The following ENPP3 variants were observed in gnomAD, a reference collection of about 807,000 sequenced individuals.
The protein encoded by ENPP3 is ectonucleotide pyrophosphatase/phosphodiesterase family member 3.
A neutral mutation model predicts 117.8 loss-of-function variants in ENPP3; 104 were observed. The ratio of observed to expected loss-of-function variants is 0.88; its 90% CI spans 0.75 to 1.04. ENPP3 has a LOEUF of 1.04. Among genes scored for constraint, ENPP3 ranks in the 50% least tolerant of loss-of-function variants. The probability of loss-of-function intolerance (pLI) is 0.00; values close to 1 mark genes in which losing one functional copy is unlikely to be tolerated. For synonymous variants in ENPP3, 380 were observed against 349.9 expected, an observed-to-expected ratio of 1.09 and a Z score of -0.96; for missense variants, 1,026 against 1,051.9, an observed-to-expected ratio of 0.98 and a Z score of 0.34.
intron 8 of ENPP3, among the ~76,000 whole-genome samples, chr6:131,674,736 ATT>A (rs1200745739): frequency 6.6e-6 from 1 of 151,308 alleles, no homozygotes; most frequent in Non-Finnish European, 1.5e-5. Context: ...CGCCCAGCTA[ATT>A]TTTTTGTATT....
At position 131,671,311 on chromosome 6, in the gene ENPP3, A is replaced by G; in HGVS notation, c.626A>G (p.His209Arg). The G allele has an allele frequency of 6.3e-7, 1 of 1,598,912 alleles. No homozygotes were observed. Among genetic ancestry groups the G allele is most frequent in the South Asian group, 1.1e-5 (1 of 90,748 alleles). The stretch of plus-strand genomic sequence containing the variant: ...TATCCTACCAAAACCTTCCCAAATC[A>G]TTACACCATTGTCACGGTAAGTGCT... ...AMYPTKTFPN[H>R]YTIVTGLYPE... The change falls in exon 7 of 25, where the codon CAT becomes CGT. Residue 209 changes from histidine to arginine, a missense_variant. His to Arg is a conservative substitution (Grantham distance 29). Transcript: ENST00000357639.
intron 11 of ENPP3, 41 bp downstream of exon 11, chr6:131,677,981 A>G (rs761389936): frequency 2.4e-6 from 3 of 1,253,938 alleles, no homozygotes; most frequent in Non-Finnish European, 3.5e-6. Context: ...AAAATGTAAA[A>G]TCATCTAACC....
Position 131,722,338 on chromosome 6 carries a change from CT to C in ENPP3, c.1680del (p.Val561PhefsTer29), listed in dbSNP as rs1224697841. The C allele has an allele frequency of 6.2e-7, 1 of 1,613,930 alleles. No homozygotes were observed. Among genetic ancestry groups the C allele is most frequent in the African/African-American group, 1.3e-5 (1 of 74,916 alleles). On this transcript the variant is annotated frameshift_variant, in exon 18 of 25. Transcript: ENST00000357639. LOFTEE classifies it high-confidence loss of function. ...PSHAEEVSKF[S>X]VCGFANPLPT... is the part of the protein sequence containing the mutation. ...CATGCAGAGGAGGTGTCAAAGTTTT[CT>C]GTTTGTGGCTTTGCTAATCCATTGC...
At chr6:131,671,389 T>A in intron 7 of ENPP3, 62 bp downstream of exon 7, 2 of 988,104 alleles carry the variant, frequency 2.0e-6, no homozygotes, top group South Asian at 2.7e-5. Flanking sequence ...TAAACAGACA[T>A]GTTTGGGCAG....
At chr6:131,662,533 C>G (rs966057497) in intron 6 of ENPP3, among the ~76,000 whole-genome samples, 2 of 152,176 alleles carry the variant, frequency 1.3e-5, no homozygotes, top group African/African-American at 4.8e-5. Context: ...CTGTGCCCAG[C>G]CTGGGCTCCC....
chr6:131,746,197 G>A (rs940439871), intron 24 of ENPP3, among the ~76,000 whole-genome samples: 1 of 151,966 alleles, frequency 6.6e-6, no homozygotes, highest in African/African-American at 2.4e-5. Flanking sequence ...ATTTATTATA[G>A]CATTATTTAT....
At chr6:131,674,020 G>A (rs1778809287) in intron 7 of ENPP3, 142 bp from the exon 8 acceptor site, 1 of 560,714 alleles carries the variant, frequency 1.8e-6, no homozygotes, top group African/African-American at 1.9e-5. Flanking sequence ...CTCCTGATAT[G>A]TAAGTTCAGG....
At chr6:131,719,243 C>A (rs1471472873) in intron 16 of ENPP3, among the ~76,000 whole-genome samples, 1 of 151,852 alleles carries the variant, frequency 6.6e-6, no homozygotes, top group Non-Finnish European at 1.5e-5. Context: ...TATTCAGGAG[C>A]CAAGTGTCCC....
At chr6:131,668,878 A>C (rs1007175525) in intron 6 of ENPP3, among the ~76,000 whole-genome samples, 6 of 152,234 alleles carry the variant, frequency 3.9e-5, no homozygotes, top group South Asian at 2.1e-4. Flanking sequence ...ACCATGGTAG[A>C]AGACTGTGCT....
chr6:131,639,061 C>T lies in ENPP3; in HGVS notation c.78+1599C>T, dbSNP rs369785373. 2.0e-5 allele frequency among the ~76,000 whole-genome samples: 3 copies of T among 151,856 alleles called. No individual in the cohort carries two copies. In the South Asian group the frequency reaches 6.3e-4, roughly 32 times the overall value. On this transcript the variant is annotated intron_variant, in intron 1 of 24. Transcript: ENST00000357639. Reference sequence around the variant, plus strand: ...ATCTTGCCGCAGCTTTTCCCTATATCCCATATTTTAAGGTCACCGCTATTC... The same window carrying T: ...ATCTTGCCGCAGCTTTTCCCTATATTCCATATTTTAAGGTCACCGCTATTC...
rs4053087 is a variant in ENPP3 at position 131,699,235 on chromosome 6, C to CAAAAAAAAAAAA, written c.1412+5621_1412+5632dup. On this transcript the variant is annotated intron_variant, in intron 15 of 24. Transcript: ENST00000357639. Reference sequence around the variant, plus strand: ...CCTGGGCTATAGAGCAAGACTGTCTCAAAAAAAAAAAAAAAAAAAAAGGAT... The same window carrying CAAAAAAAAAAAA: ...CCTGGGCTATAGAGCAAGACTGTCTCAAAAAAAAAAAAAAAAAAAAAAAAAAAAAAAAAGGAT... Among the ~76,000 whole-genome samples, 424 of 107,312 alleles carry CAAAAAAAAAAAA rather than the reference C, an allele frequency of 4.0e-3. 2 individuals carry two copies. The highest frequency in any genetic ancestry group is 0.014 in the African/African-American group (363 of 25,326). 70.4% of individuals were successfully genotyped at this position (107,312 alleles called of 152,430 possible).
intron 15 of ENPP3, among the ~76,000 whole-genome samples, chr6:131,715,194 A>G (rs1196686313): frequency 2.6e-5 from 4 of 151,706 alleles, no homozygotes; most frequent in Non-Finnish European, 4.4e-5. Context: ...CTGGACAATG[A>G]GACTTTTAGC....
intron 20 of ENPP3, among the ~76,000 whole-genome samples, chr6:131,731,309 G>A (rs1344104048): frequency 6.6e-6 from 1 of 152,150 alleles, no homozygotes; most frequent in Non-Finnish European, 1.5e-5. Context: ...CAGTCTATAA[G>A]CTTCACTATA....
intron 19 of ENPP3, among the ~76,000 whole-genome samples, chr6:131,724,473 C>T (rs936793315): frequency 3.1e-4 from 47 of 152,260 alleles, no homozygotes; most frequent in African/African-American, 1.1e-3. Flanking sequence ...TCTGTAATAA[C>T]CGTACTCACC....
At chr6:131,661,483 G>A (rs1778498145) in intron 6 of ENPP3, among the ~76,000 whole-genome samples, 2 of 151,620 alleles carry the variant, frequency 1.3e-5, no homozygotes, top group African/African-American at 4.8e-5. Flanking sequence ...TTAGAGATGA[G>A]GTCTTGCTAT....
At chr6:131,682,349 C>A (rs1033866155) in intron 11 of ENPP3, among the ~76,000 whole-genome samples, 1 of 151,858 alleles carries the variant, frequency 6.6e-6, no homozygotes, top group African/African-American at 2.4e-5. Context: ...AAAGAATTAG[C>A]CAGGCATGAT....
chr6:131,644,573 A>C (rs1337438481), intron 2 of ENPP3, among the ~76,000 whole-genome samples: 1 of 152,242 alleles, frequency 6.6e-6, no homozygotes, highest in Non-Finnish European at 1.5e-5. Context: ...ATGAATTTCC[A>C]TAACTGAGTT....
At chr6:131,693,417 T>C (rs904661544) in intron 14 of ENPP3, 80 bp from the exon 15 acceptor site, 74 of 1,295,154 alleles carry the variant, frequency 5.7e-5, no homozygotes, top group Non-Finnish European at 7.9e-5. Flanking sequence ...AGGTGCTTCA[T>C]AAATTGATGT....
Position 131,650,007 on chromosome 6 carries a change from C to T in ENPP3, c.155-20C>T. Reference sequence around the variant, plus strand: ...TGAATAGCTCCTAAATGTTCGGGCCCTATTTCCTTTACTTTGTAGGCAGCT... The same window carrying T: ...TGAATAGCTCCTAAATGTTCGGGCCTTATTTCCTTTACTTTGTAGGCAGCT... On this transcript the variant is annotated intron_variant, in intron 2 of 24. Transcript: ENST00000357639. The T allele has an allele frequency of 6.2e-7, 1 of 1,613,628 alleles. No individual in the cohort carries two copies. Among genetic ancestry groups the T allele is most frequent in the East Asian group, 2.2e-5 (1 of 44,862 alleles).
Sources: allele counts gnomAD v4.1 joint callset (sites outside exome capture counted in the v4.1 genomes callset), GRCh38; gene constraint gnomAD v4.1.1; transcripts MANE v1.5; gene names NCBI Gene and HGNC (gene_info 2026-07-23, HGNC 2026-07-21).